NRG3: variants seen among roughly 807,000 people sequenced by gnomAD.
The protein encoded by NRG3 is neuregulin 3, also known as pro-neuregulin-3, membrane-bound isoform.
In NRG3, 31 loss-of-function variants were observed where a neutral mutation model predicts 66.9. The ratio of observed to expected loss-of-function variants is 0.46; its 90% CI spans 0.35 to 0.63. The LOEUF is 0.63. Ranked by LOEUF, NRG3 falls within the 20% of genes least tolerant of loss-of-function variation. The probability of loss-of-function intolerance (pLI) is 0.00; values close to 1 mark genes in which losing one functional copy is unlikely to be tolerated. For missense variants in NRG3, 910 were observed against 878.9 expected (o/e 1.04, Z -0.45); for synonymous variants, 393 against 359.4 (o/e 1.09, Z -1.06).
intron 1 of NRG3, among the ~76,000 whole-genome samples, chr10:82,032,127 T>A (rs930872302): frequency 2.1e-5 from 3 of 145,938 alleles, no homozygotes; most frequent in African/African-American, 7.5e-5. Flanking sequence ...TTTTTTTTTT[T>A]ATTTCCAATC....
At chr10:82,162,967 G>T (rs990451627) in intron 1 of NRG3, among the ~76,000 whole-genome samples, 5 of 152,068 alleles carry the variant, frequency 3.3e-5, no homozygotes, top group Non-Finnish European at 7.4e-5. Context: ...AGTTGGCAGG[G>T]TGACAGAGAA....
intron 1 of NRG3, among the ~76,000 whole-genome samples, chr10:82,089,345 T>C (rs2065902239): frequency 6.6e-6 from 1 of 152,198 alleles, no homozygotes; most frequent in African/African-American, 2.4e-5. Context: ...CTTGTTTCAC[T>C]TGAGCGTTCT....
chr10:82,133,250 AT>A (rs1232709662), intron 1 of NRG3, among the ~76,000 whole-genome samples: 2 of 151,750 alleles, frequency 1.3e-5, no homozygotes, highest in Admixed American at 6.6e-5. Context: ...TTTTTTTAAC[AT>A]TGTTATTTTG....
intron 3 of NRG3, among the ~76,000 whole-genome samples, chr10:82,762,279 C>T (rs2059359801): frequency 6.6e-6 from 1 of 152,008 alleles, no homozygotes. Flanking sequence ...TGAGCCACCA[C>T]ACCCAGCCAC....
At chr10:82,503,249 G>A (rs1204211861) in intron 2 of NRG3, among the ~76,000 whole-genome samples, 1 of 152,168 alleles carries the variant, frequency 6.6e-6, no homozygotes, top group Non-Finnish European at 1.5e-5. Flanking sequence ...AACTTTAGAA[G>A]AGGGTGAGGG....
intron 1 of NRG3, among the ~76,000 whole-genome samples, chr10:81,959,076 C>G (rs1028474132): frequency 2.0e-5 from 3 of 152,068 alleles, no homozygotes; most frequent in Non-Finnish European, 4.4e-5. Context: ...GCCTTGTTTG[C>G]ACCCACACAC....
chr10:82,149,696 T>G (rs2070551485), intron 1 of NRG3, among the ~76,000 whole-genome samples: 1 of 149,382 alleles, frequency 6.7e-6, no homozygotes, highest in Non-Finnish European at 1.5e-5. Flanking sequence ...GCTGGGAATT[T>G]AGAAAGCTCT....
intron 2 of NRG3, among the ~76,000 whole-genome samples, chr10:82,738,249 A>G (rs376026277): frequency 0.01 from 1,552 of 152,330 alleles, 23 homozygotes; most frequent in African/African-American, 0.036. Context: ...GTGTTGCATA[A>G]AGAAAAATAC....
At chr10:81,892,537 A>G (rs1843117758) in intron 1 of NRG3, among the ~76,000 whole-genome samples, 1 of 152,130 alleles carries the variant, frequency 6.6e-6, no homozygotes, top group Non-Finnish European at 1.5e-5. Context: ...AATATACCTC[A>G]ACGAAAGGCA....
intron 4 of NRG3, among the ~76,000 whole-genome samples, chr10:82,871,788 T>C (rs1219976417): frequency 2.0e-5 from 3 of 152,128 alleles, no homozygotes; most frequent in African/African-American, 7.2e-5. Context: ...ATTGATATAA[T>C]CATTTATTTG....
At chr10:82,201,556 GTGAGAGGCCTTTAATAGCGGTAT>G (rs550174607) in intron 1 of NRG3, among the ~76,000 whole-genome samples, 3 of 152,192 alleles carry the variant, frequency 2.0e-5, no homozygotes, top group Non-Finnish European at 4.4e-5. Context: ...GACCATTTTG[GTGAGAGGCCTTTAATAGCGGTAT>G]TGAGAAGGCA....
intron 2 of NRG3, among the ~76,000 whole-genome samples, chr10:82,387,735 T>C (rs976545911): frequency 2.0e-5 from 3 of 152,154 alleles, no homozygotes; most frequent in African/African-American, 7.2e-5. Flanking sequence ...CCATCTTTGT[T>C]CTAGAAAGAC....
chr10:82,047,790 A>C (rs542145203), intron 1 of NRG3, among the ~76,000 whole-genome samples: 1 of 152,194 alleles, frequency 6.6e-6, no homozygotes, highest in East Asian at 1.9e-4. Context: ...GCTCCAATTA[A>C]AAGACACAGA....
chr10:82,957,376 T>A (rs1850151212), intron 5 of NRG3, among the ~76,000 whole-genome samples: 1 of 151,832 alleles, frequency 6.6e-6, no homozygotes, highest in African/African-American at 2.4e-5. Flanking sequence ...AGAAGCTCAT[T>A]GCTAAGACCG....
intron 1 of NRG3, among the ~76,000 whole-genome samples, chr10:82,056,558 G>T (rs1031062160): frequency 4.6e-5 from 7 of 152,158 alleles, no homozygotes; most frequent in African/African-American, 1.7e-4. Context: ...TTAAATCTGA[G>T]AATTTTGACA....
chr10:82,787,804 C>T (rs1382228580), intron 3 of NRG3, among the ~76,000 whole-genome samples: 2 of 152,114 alleles, frequency 1.3e-5, no homozygotes, highest in Non-Finnish European at 2.9e-5. Flanking sequence ...AATGTCAAGG[C>T]CATTCCACAT....
intron 2 of NRG3, among the ~76,000 whole-genome samples, chr10:82,711,433 T>C (rs2056659000): frequency 6.6e-6 from 1 of 152,098 alleles, no homozygotes; most frequent in South Asian, 2.1e-4. Context: ...TGTTATTCAA[T>C]GTATTATTCT....
intron 3 of NRG3, among the ~76,000 whole-genome samples, chr10:82,763,069 G>T (rs1179449751): frequency 1.3e-5 from 2 of 152,208 alleles, no homozygotes; most frequent in African/African-American, 4.8e-5. Context: ...TGTGACACCT[G>T]ATTCTTGCCC....
At chr10:82,127,497 T>C (rs1195773350) in intron 1 of NRG3, among the ~76,000 whole-genome samples, 1 of 152,080 alleles carries the variant, frequency 6.6e-6, no homozygotes, top group Non-Finnish European at 1.5e-5. Context: ...TCTCTCTCTC[T>C]CTTATCCATA....
Sources: allele counts gnomAD v4.1 joint callset (sites outside exome capture counted in the v4.1 genomes callset), GRCh38; gene constraint gnomAD v4.1.1; transcripts MANE v1.5; gene names NCBI Gene and HGNC (gene_info 2026-07-23, HGNC 2026-07-21).